The following STAP1 variants were observed in gnomAD, a reference collection of about 807,000 sequenced individuals.
STAP1 encodes the protein signal-transducing adaptor protein 1.
In STAP1, 30 loss-of-function variants were observed where a neutral mutation model predicts 37.8. The observed-to-expected ratio is 0.79, with a 90% CI of 0.59 to 1.08. The LOEUF is 1.08. Among genes scored for constraint, STAP1 ranks in the 50% least tolerant of loss-of-function variants. The probability of loss-of-function intolerance (pLI) is 0.00; values close to 1 mark genes in which losing one functional copy is unlikely to be tolerated. For missense variants in STAP1, 357 were observed against 349.4 expected (o/e 1.02, Z -0.17); for synonymous variants, 130 against 116.0 (o/e 1.12, Z -0.78).
intron 8 of STAP1, among the ~76,000 whole-genome samples, chr4:67,604,582 AT>A (rs2109881040): frequency 6.6e-6 from 1 of 152,284 alleles, no homozygotes; most frequent in Non-Finnish European, 1.5e-5. Flanking sequence ...TCATCTGATA[AT>A]TTCAACATCT....
intron 6 of STAP1, among the ~76,000 whole-genome samples, chr4:67,584,673 G>A (rs1363732301): frequency 1.3e-5 from 2 of 149,722 alleles, no homozygotes; most frequent in Middle Eastern, 3.2e-3. Context: ...GGCAGCAAAT[G>A]TGTATGCCTT....
intron 8 of STAP1, among the ~76,000 whole-genome samples, chr4:67,603,756 G>A (rs1728393498): frequency 6.6e-6 from 1 of 151,948 alleles, no homozygotes; most frequent in Non-Finnish European, 1.5e-5. Flanking sequence ...CAACTGAGTT[G>A]CTTTCCAAGT....
chr4:67,565,934 CTTTTTTTTTTTTT>C lies in STAP1; in HGVS notation c.121-5132_121-5120del, dbSNP rs60607477. Among the ~76,000 whole-genome samples the C allele has an allele frequency of 6.7e-5, 4 of 59,450 alleles. No individual in the cohort carries two copies. In the South Asian group the frequency reaches 2.2e-3, roughly 33 times the overall value. 39.0% of individuals were successfully genotyped at this position (59,450 alleles called of 152,430 possible). A position where few individuals can be genotyped will look rare whatever the true frequency, so the allele number is the denominator to read the frequency against. ...TTCTCTTCCCCCCTCAACCCAACTG[CTTTTTTTTTTTTT>C]TTTTTTTTTTTTTTTTTACGAGACA... On this transcript the variant is annotated intron_variant, in intron 1 of 8. Coordinates refer to ENST00000265404, the MANE Select transcript of STAP1 (RefSeq NM_012108.4).
intron 7 of STAP1, among the ~76,000 whole-genome samples, chr4:67,592,069 A>C (rs564484603): frequency 1.3e-5 from 2 of 151,880 alleles, no homozygotes; most frequent in South Asian, 4.2e-4. Context: ...TTATTCTTTC[A>C]TTTTTCACCC....
chr4:67,602,800 A>G (rs1577772912), intron 8 of STAP1, among the ~76,000 whole-genome samples: 1 of 63,996 alleles, frequency 1.6e-5, no homozygotes, highest in Non-Finnish European at 4.6e-5. Context: ...CTGTGCCACA[A>G]CCACCATGAC....
chr4:67,589,095 C>A (rs145467534), intron 6 of STAP1, among the ~76,000 whole-genome samples: 1 of 152,136 alleles, frequency 6.6e-6, no homozygotes, highest in Non-Finnish European at 1.5e-5. Context: ...AGTCTTCCAA[C>A]GAACAGCAAT....
At chr4:67,562,792 AT>A (rs1439515802) in intron 1 of STAP1, among the ~76,000 whole-genome samples, 1 of 151,902 alleles carries the variant, frequency 6.6e-6, no homozygotes, top group Non-Finnish European at 1.5e-5. Flanking sequence ...AAAAAAGAAT[AT>A]TAATTCATTT....
At chr4:67,587,172 G>A (rs879938601) in intron 6 of STAP1, among the ~76,000 whole-genome samples, 4 of 152,162 alleles carry the variant, frequency 2.6e-5, no homozygotes, top group African/African-American at 9.7e-5. Flanking sequence ...TTAATGTAAA[G>A]AATTTGGTAG....
Position 67,606,276 on chromosome 4 carries a change from T to G in STAP1, c.827-20T>G, listed in dbSNP as rs1184621462. ...ACAATATTGGTTCGCTAATTAAGTT[T>G]TTCTACCCACAATTTCTAGGTCAAG... is the stretch of plus-strand genomic sequence containing the variant. On this transcript the variant is annotated intron_variant, in intron 8 of 8. Coordinates refer to ENST00000265404, the MANE Select transcript of STAP1 (RefSeq NM_012108.4). 6.3e-7 allele frequency: 1 copy of G among 1,597,196 alleles called. No homozygotes were observed. The highest frequency in any genetic ancestry group is 2.2e-5 in the East Asian group (1 of 44,546).
In STAP1 at chr4:67,561,722, G is replaced by T. The variant is rs374135760; in HGVS notation, c.120+2793G>T. Among the ~76,000 whole-genome samples the T allele has an allele frequency of 6.6e-5, 10 of 152,238 alleles. No individual in the cohort carries two copies. In the East Asian group the frequency reaches 1.9e-3, roughly 29 times the overall value. On this transcript the variant is annotated intron_variant, in intron 1 of 8. Transcript: ENST00000265404. ...GCCACAGTGGAATACCATTGGCATCGCAGTTCTTACAAATGGGAAAATTTC... is the reference window on the plus strand; with the variant it reads ...GCCACAGTGGAATACCATTGGCATCTCAGTTCTTACAAATGGGAAAATTTC...
intron 2 of STAP1, among the ~76,000 whole-genome samples, chr4:67,573,512 A>G (rs1480222288): frequency 2.6e-5 from 4 of 152,192 alleles, no homozygotes; most frequent in Non-Finnish European, 5.9e-5. Flanking sequence ...TGTTGCAGCA[A>G]AACTCACTGA....
rs772187086 is a variant in STAP1 at position 67,593,371 on chromosome 4, T to G, written c.826+15T>G. The G allele has an allele frequency of 6.4e-7, 1 of 1,568,676 alleles. No homozygotes were observed. Among genetic ancestry groups the G allele is most frequent in the Non-Finnish European group, 8.7e-7 (1 of 1,143,942 alleles). ...TGAAAACACTGGTATGTTTTTCACT[T>G]CATTGCTATGTTAAGGGAAACAAAA... On this transcript the variant is annotated intron_variant, in intron 8 of 8. Coordinates refer to ENST00000265404, the MANE Select transcript of STAP1 (RefSeq NM_012108.4).
chr4:67,583,651 G>A lies in STAP1; in HGVS notation c.608G>A (p.Arg203Lys). ...CCTTCTTTGGGAAATATGATCCTGA[G>A]GCCTGGTAGTGACAGTAGAAACTAC... ...KNPSLGNMILRPGSDSRNYSI... is the reference protein window; with the variant it reads ...KNPSLGNMILKPGSDSRNYSI... Residue 203 changes from arginine (R) to lysine (K), a missense_variant, in exon 6 of 9, where the codon AGG becomes AAG. By Grantham distance (26) the Arg-to-Lys change is conservative. Coordinates refer to ENST00000265404, the MANE Select transcript of STAP1 (RefSeq NM_012108.4). 1.2e-6 allele frequency: 2 copies of A among 1,613,856 alleles called. No individual in the cohort carries two copies. Among genetic ancestry groups the A allele is most frequent in the Non-Finnish European group, 1.7e-6 (2 of 1,179,876 alleles).
At chr4:67,573,429 C>A in intron 2 of STAP1, among the ~76,000 whole-genome samples, 1 of 152,132 alleles carries the variant, frequency 6.6e-6, no homozygotes, top group East Asian at 1.9e-4. Context: ...ATATGACTTC[C>A]TTTCCTCTAA....
chr4:67,576,765 A>C (rs1727731334), intron 3 of STAP1, among the ~76,000 whole-genome samples: 1 of 151,830 alleles, frequency 6.6e-6, no homozygotes. Context: ...AAGTGCTGAG[A>C]CTACACGCAT....
At chr4:67,572,549 C>T (rs1445121260) in intron 2 of STAP1, among the ~76,000 whole-genome samples, 1 of 152,134 alleles carries the variant, frequency 6.6e-6, no homozygotes, top group Non-Finnish European at 1.5e-5. Flanking sequence ...TTGATGTTGT[C>T]CATACAGGTC....
chr4:67,577,373 TA>T, intron 4 of STAP1, 114 bp downstream of exon 4: 1 of 852,114 alleles, frequency 1.2e-6, no homozygotes, highest in Non-Finnish European at 1.8e-6. Context: ...TTGAAAAAGA[TA>T]GACCTAAACT....
chr4:67,595,109 T>C (rs1447486760), intron 8 of STAP1, among the ~76,000 whole-genome samples: 1 of 152,180 alleles, frequency 6.6e-6, no homozygotes, highest in African/African-American at 2.4e-5. Context: ...AAAGACTATT[T>C]TCCTGTTTTC....
At chr4:67,573,925 A>C (rs1308432960) in intron 2 of STAP1, among the ~76,000 whole-genome samples, 1 of 152,112 alleles carries the variant, frequency 6.6e-6, no homozygotes, top group African/African-American at 2.4e-5. Flanking sequence ...AAACCCTACT[A>C]TACTTACTAC....
Sources: allele counts gnomAD v4.1 joint callset (sites outside exome capture counted in the v4.1 genomes callset), GRCh38; gene constraint gnomAD v4.1.1; transcripts MANE v1.5; gene names NCBI Gene and HGNC (gene_info 2026-07-23, HGNC 2026-07-21).